The following PAM variants were observed in gnomAD, a reference collection of about 807,000 sequenced individuals.
The protein encoded by PAM is peptidylglycine alpha-amidating monooxygenase, also known as peptidyl-glycine alpha-amidating monooxygenase.
Under a neutral mutation model 122.1 loss-of-function variants are expected in PAM, and 72 were observed. The ratio of observed to expected loss-of-function variants is 0.59; its 90% CI spans 0.49 to 0.72. The LOEUF is 0.72. PAM is among the 30% of genes least tolerant of loss of function. The pLI is 0.00. For synonymous variants in PAM, 389 were observed against 404.4 expected, an observed-to-expected ratio of 0.96 and a Z score of 0.46; for missense variants, 1,106 against 1,183.7, an observed-to-expected ratio of 0.93 and a Z score of 0.96.
At chr5:103,017,279 T>C (rs1271082358) in intron 21 of PAM, 55 bp from the exon 22 acceptor site, 1 of 1,088,364 alleles carries the variant, frequency 9.2e-7, no homozygotes, top group East Asian at 2.4e-5. Context: ...TGTCTTTTCA[T>C]GAAGGATTCA....
intron 3 of PAM, among the ~76,000 whole-genome samples, chr5:102,893,614 C>G (rs1795355532): frequency 6.6e-6 from 1 of 151,718 alleles, no homozygotes; most frequent in South Asian, 2.1e-4. Context: ...TGAAAAGTAT[C>G]TGCTTTTGTA....
rs559620623 is a variant in PAM at position 102,764,881 on chromosome 5, G to A, written c.-374+9533G>A. 3.0e-4 allele frequency among the ~76,000 whole-genome samples: 46 copies of A among 152,286 alleles called. No individual in the cohort carries two copies. In the South Asian group the frequency reaches 6.4e-3, roughly 21 times the overall value. On this transcript the variant is annotated intron_variant, in intron 1 of 25. Transcript: ENST00000438793. ...CAATCTTACTTCAACCCCACATGCT[G>A]TTGCAACCCTTTCTGTACTTCTTAT...
At chr5:102,920,505 T>C (rs1355817811) in intron 5 of PAM, among the ~76,000 whole-genome samples, 1 of 152,132 alleles carries the variant, frequency 6.6e-6, no homozygotes, top group Non-Finnish European at 1.5e-5. Flanking sequence ...TATGTATCAT[T>C]CTAATTACTA....
chr5:102,871,204 A>G (rs1787312655), intron 3 of PAM, among the ~76,000 whole-genome samples: 1 of 152,184 alleles, frequency 6.6e-6, no homozygotes, highest in South Asian at 2.1e-4. Context: ...AGAAAGGATA[A>G]TAATAGTTTA....
At chr5:102,884,842 A>G (rs1792446815) in intron 3 of PAM, among the ~76,000 whole-genome samples, 1 of 151,882 alleles carries the variant, frequency 6.6e-6, no homozygotes, top group African/African-American at 2.4e-5. Context: ...GGCAAAAGTC[A>G]CCTCATTCAA....
chr5:102,837,922 G>A (rs201278271), intron 1 of PAM: 2 of 152,168 alleles, frequency 1.3e-5, no homozygotes, highest in South Asian at 2.1e-4. Flanking sequence ...ATGGCATCAT[G>A]CATATGCAGA....
chr5:102,877,365 G>A (rs1467077097), intron 3 of PAM, among the ~76,000 whole-genome samples: 1 of 152,158 alleles, frequency 6.6e-6, no homozygotes, highest in Non-Finnish European at 1.5e-5. Flanking sequence ...GGATCAACCT[G>A]GGAATAAAGA....
intron 14 of PAM, among the ~76,000 whole-genome samples, chr5:102,973,698 C>T (rs1766641764): frequency 6.6e-6 from 1 of 152,090 alleles, no homozygotes; most frequent in Admixed American, 6.6e-5. Flanking sequence ...TTTCTTGTGG[C>T]TTGCACTTCA....
chr5:102,947,450 C>A (rs1399528880), intron 8 of PAM, among the ~76,000 whole-genome samples: 1 of 152,156 alleles, frequency 6.6e-6, no homozygotes, highest in African/African-American at 2.4e-5. Context: ...TGTATGTTCT[C>A]ACTCATAAGT....
intron 15 of PAM, among the ~76,000 whole-genome samples, chr5:102,979,030 TCA>T (rs10578523): frequency 0.06 from 8,906 of 147,780 alleles, 309 homozygotes; most frequent in Admixed American, 0.091. Flanking sequence ...TTATTCTGCA[TCA>T]CACACACACA....
intron 12 of PAM, 103 bp from the exon 13 acceptor site, chr5:102,959,772 C>A: frequency 1.4e-6 from 1 of 699,440 alleles, no homozygotes; most frequent in Non-Finnish European, 2.5e-6. Context: ...AATATTTCTA[C>A]CTTTGAATCC....
At position 102,974,155 on chromosome 5, in the gene PAM, G is replaced by A. The variant is rs139660283; in HGVS notation, c.1202G>A (p.Arg401Lys). The A allele has an allele frequency of 1.2e-4, 200 of 1,613,806 alleles. 1 individual carries two copies. In the Middle Eastern group the frequency reaches 2.0e-3, roughly 16 times the overall value. ...YSLLSKLLGE[R>K]EDVVHVHKYN... ...CTACTTTCCAAGCTGCTAGGAGAAA[G>A]GGAAGATGTTGTTCATGTGCACAAA... The change falls in exon 15 of 26, where the codon AGG becomes AAG. Residue 401 changes from arginine (R) to lysine (K), a missense_variant. By Grantham distance (26) the Arg-to-Lys change is conservative. This residue lies in a region of PAM where 670 missense variants were observed against 690.3 expected (regional missense o/e 0.97). Transcript: ENST00000438793.
intron 4 of PAM, among the ~76,000 whole-genome samples, chr5:102,908,439 T>A (rs1581584199): frequency 6.6e-6 from 1 of 152,042 alleles, no homozygotes; most frequent in Non-Finnish European, 1.5e-5. Context: ...TGGCTTAGGA[T>A]TGACTTGGCG....
intron 15 of PAM, among the ~76,000 whole-genome samples, chr5:102,978,832 TA>T (rs59992881): frequency 0.059 from 8,343 of 140,848 alleles, 719 homozygotes; most frequent in African/African-American, 0.2. Context: ...GGAGAATGGT[TA>T]AAAAAAAAAA....
At chr5:102,876,012 A>C (rs1485885946) in intron 3 of PAM, among the ~76,000 whole-genome samples, 2 of 152,208 alleles carry the variant, frequency 1.3e-5, no homozygotes, top group African/African-American at 4.8e-5. Flanking sequence ...TTACCTATTC[A>C]GTTTTCATGA....
At chr5:102,765,402 C>A (rs968471550) in intron 1 of PAM, among the ~76,000 whole-genome samples, 1 of 152,112 alleles carries the variant, frequency 6.6e-6, no homozygotes, top group Non-Finnish European at 1.5e-5. Context: ...AAATGTACGA[C>A]ATTATTTTTA....
chr5:102,900,788 A>G lies in PAM; in HGVS notation c.211-568A>G, dbSNP rs181314078. Among the ~76,000 whole-genome samples the G allele has an allele frequency of 9.5e-3, 1,437 of 151,704 alleles. 20 individuals carry two copies. Among genetic ancestry groups the G allele is most frequent in the African/African-American group, 0.032 (1,332 of 41,480 alleles). ...TGTTAATATATTTGATAGTGAAAAA[A>G]TGACCATTTAGATGAGACCAATAAC... On this transcript the variant is annotated intron_variant, in intron 3 of 25. Coordinates refer to ENST00000438793, the MANE Select transcript of PAM (RefSeq NM_001177306.2).
intron 4 of PAM, among the ~76,000 whole-genome samples, chr5:102,906,662 T>A (rs1261594186): frequency 6.6e-6 from 1 of 151,640 alleles, no homozygotes; most frequent in Admixed American, 6.6e-5. Flanking sequence ...ACTCATAGGG[T>A]CATTGAGAAG....
At chr5:102,769,319 G>A (rs1755066850) in intron 1 of PAM, among the ~76,000 whole-genome samples, 1 of 152,034 alleles carries the variant, frequency 6.6e-6, no homozygotes, top group African/African-American at 2.4e-5. Context: ...TCACTTTGTT[G>A]ATTGTTTCCT....
Sources: gnomAD v4.1 joint callset for allele counts (sites outside exome capture counted in the v4.1 genomes callset) on GRCh38, gnomAD v4.1.1 for gene constraint, gnomAD v4.1.1 regional missense constraint, MANE v1.5 for transcripts, NCBI Gene and HGNC (gene_info 2026-07-23, HGNC 2026-07-21) for gene names.